Variants in MSI2 observed in about 807,000 individuals in gnomAD.
MSI2 encodes musashi RNA binding protein 2, also known as RNA-binding protein Musashi homolog 2.
MSI2 carries 17 observed loss-of-function variants against 45.6 expected under a neutral mutation model. That is an observed-to-expected ratio of 0.37 (90% CI 0.26 to 0.56). The LOEUF is 0.56. MSI2 is among the 20% of genes least tolerant of loss of function. MSI2 has a pLI of 0.77. For synonymous variants in MSI2, 156 were observed against 158.2 expected, an observed-to-expected ratio of 0.99 and a Z score of 0.11; for missense variants, 293 against 444.2, an observed-to-expected ratio of 0.66 and a Z score of 3.06.
At chr17:57,373,454 C>T (rs918338438) in intron 5 of MSI2, among the ~76,000 whole-genome samples, 5 of 152,176 alleles carry the variant, frequency 3.3e-5, no homozygotes, top group South Asian at 4.2e-4. Context: ...GAACAAAGGC[C>T]GTGTGTTAGT....
chr17:57,525,225 T>C (rs2086672130), intron 6 of MSI2, among the ~76,000 whole-genome samples: 2 of 152,118 alleles, frequency 1.3e-5, no homozygotes, highest in African/African-American at 4.8e-5. Context: ...GACAGAGGCA[T>C]CCCATTCCCC....
intron 4 of MSI2, among the ~76,000 whole-genome samples, chr17:57,259,084 G>C (rs542165762): frequency 6.6e-6 from 1 of 152,306 alleles, no homozygotes; most frequent in East Asian, 1.9e-4. Flanking sequence ...GGAAGAAAGA[G>C]TGTCTGTATA....
upstream of MSI2, chr17:57,256,454 G>A (rs1348833173): frequency 1.8e-5 from 4 of 219,914 alleles, no homozygotes; most frequent in Non-Finnish European, 3.5e-5. Context: ...GGAGGAGGAG[G>A]AGGAGATGGG....
rs569645518 is a variant in MSI2, at chr17:57,632,067, T to C, written c.727+4764T>C. 7 of 1,316,638 alleles carry C rather than the reference T, an allele frequency of 5.3e-6. No individual in the cohort carries two copies. In the African/African-American group the frequency reaches 9.0e-5, roughly 17 times the overall value. 81.6% of individuals were successfully genotyped at this position (1,316,638 alleles called of 1,614,324 possible). On this transcript the variant is annotated intron_variant, in intron 10 of 13. Transcript: ENST00000284073. ...CCTCCCACTTTGCTTCTTGTATGCA[T>C]TGTGACCGACCCCACTTCCTCAGAA...
intron 7 of MSI2, among the ~76,000 whole-genome samples, chr17:57,546,659 T>C (rs571168650): frequency 1.3e-5 from 2 of 152,298 alleles, no homozygotes; most frequent in South Asian, 4.1e-4. Flanking sequence ...CAGCTTGAAG[T>C]CATTGGCACT....
At position 57,396,916 on chromosome 17, in the gene MSI2, C is replaced by T. The variant is rs1001840810; in HGVS notation, c.313-4463C>T. The stretch of plus-strand genomic sequence containing the variant: ...CTGTCCCCACATGGTGCAAGGCTGT[C>T]GGGTAGGTATCTGGTGTCTCTAATG... On this transcript the variant is annotated intron_variant, in intron 5 of 13. Transcript: ENST00000284073. 2.6e-5 allele frequency among the ~76,000 whole-genome samples: 4 copies of T among 152,178 alleles called. No individual in the cohort carries two copies. The South Asian group carries it at 8.3e-4, about 32-fold the overall frequency.
chr17:57,257,838 G>GTT (rs200658768), intron 3 of MSI2, among the ~76,000 whole-genome samples: 3,859 of 148,232 alleles, frequency 0.026, 77 homozygotes, highest in Middle Eastern at 0.08. Flanking sequence ...CTTTCGCATA[G>GTT]TTTTTTTTTT....
At chr17:57,332,044 C>T (rs1375045826) in intron 5 of MSI2, among the ~76,000 whole-genome samples, 1 of 151,510 alleles carries the variant, frequency 6.6e-6, no homozygotes, top group Non-Finnish European at 1.5e-5. Flanking sequence ...CTCTCCCAGG[C>T]ACTGATGAAC....
chr17:57,376,019 GAGA>G (rs2083490745), intron 5 of MSI2, among the ~76,000 whole-genome samples: 2 of 152,266 alleles, frequency 1.3e-5, no homozygotes, highest in South Asian at 4.1e-4. Flanking sequence ...ATCTTCCTGA[GAGA>G]AGATTTCTCG....
chr17:57,351,370 C>T (rs1483379926), intron 5 of MSI2, among the ~76,000 whole-genome samples: 1 of 152,122 alleles, frequency 6.6e-6, no homozygotes, highest in East Asian at 1.9e-4. Flanking sequence ...TAGTTGCCCT[C>T]CCCAGTCCTC....
chr17:57,691,200 CATCTATCTA>C, the MSI2 span, among the ~76,000 whole-genome samples: 3 of 140,204 alleles, frequency 2.1e-5, no homozygotes, highest in South Asian at 2.6e-4. Flanking sequence ...CTCTCTCTCT[CATCTATCTA>C]TCTATCTATC....
intron 9 of MSI2, among the ~76,000 whole-genome samples, chr17:57,623,628 T>C (rs1024200073): frequency 2.6e-5 from 4 of 152,240 alleles, no homozygotes; most frequent in Non-Finnish European, 5.9e-5. Flanking sequence ...ACTGTGGGAT[T>C]GATCAGGCGT....
chr17:57,640,197 G>A (rs7208888), intron 10 of MSI2, among the ~76,000 whole-genome samples: 63,121 of 152,010 alleles, frequency 0.42, 13,573 homozygotes, highest in Non-Finnish European at 0.46. Context: ...TCCAGGCTCC[G>A]CATTCATGCC....
At chr17:57,565,489 T>C (rs1230007462) in intron 7 of MSI2, among the ~76,000 whole-genome samples, 1 of 152,194 alleles carries the variant, frequency 6.6e-6, no homozygotes, top group African/African-American at 2.4e-5. Flanking sequence ...CTGTCTAGAA[T>C]AGGTGGATGC....
intron 5 of MSI2, among the ~76,000 whole-genome samples, chr17:57,303,263 G>A (rs938079657): frequency 3.3e-5 from 5 of 152,170 alleles, no homozygotes; most frequent in African/African-American, 1.2e-4. Flanking sequence ...TAACACTTGG[G>A]GGAGAGAAGC....
intron 5 of MSI2, among the ~76,000 whole-genome samples, chr17:57,306,884 T>A (rs1294226372): frequency 6.6e-6 from 1 of 152,108 alleles, no homozygotes; most frequent in South Asian, 2.1e-4. Flanking sequence ...CTCATGAAAA[T>A]GTGGTGTGAG....
chr17:57,274,624 T>G (rs1908689130), intron 5 of MSI2: 1 of 152,196 alleles, frequency 6.6e-6, no homozygotes, highest in African/African-American at 2.4e-5. Context: ...GCCTTACGTA[T>G]TTTTCCTTAA....
At chr17:57,259,616 G>C (rs1907127521) in intron 4 of MSI2, among the ~76,000 whole-genome samples, 2 of 152,198 alleles carry the variant, frequency 1.3e-5, no homozygotes, top group South Asian at 4.1e-4. Context: ...TCCTGGACTT[G>C]TCATAGCTTG....
chr17:57,313,617 CAA>C (rs1412020395), intron 5 of MSI2, among the ~76,000 whole-genome samples: 1 of 152,182 alleles, frequency 6.6e-6, no homozygotes, highest in Non-Finnish European at 1.5e-5. Flanking sequence ...TAGTGGGAAA[CAA>C]GAGTAGGGGA....
Sources: allele counts gnomAD v4.1 joint callset (sites outside exome capture counted in the v4.1 genomes callset), GRCh38; gene constraint gnomAD v4.1.1; transcripts MANE v1.5; gene names NCBI Gene and HGNC (gene_info 2026-07-23, HGNC 2026-07-21).